Variants in MYEF2 observed in about 807,000 individuals in gnomAD.
The protein encoded by MYEF2 is myelin expression factor 2.
MYEF2 carries 37 observed loss-of-function variants against 75.2 expected under a neutral mutation model. The ratio of observed to expected loss-of-function variants is 0.49; its 90% CI spans 0.38 to 0.65. MYEF2 has a LOEUF of 0.65. Ranked by LOEUF, MYEF2 falls within the 30% of genes least tolerant of loss-of-function variation. The pLI is 0.00. For missense variants in MYEF2, 634 were observed against 771.4 expected (o/e 0.82, Z 2.11); for synonymous variants, 195 against 241.6 (o/e 0.81, Z 1.79).
In MYEF2 at chr15:48,135,163, G is replaced by C; in HGVS notation, c.*7745C>G. Reference sequence around the variant, plus strand: ...CTGATTGAGTTCTTCTCACTAGTTTGCAATTTCTTCTTAATCACTTCACAG... The same window carrying C: ...CTGATTGAGTTCTTCTCACTAGTTTCCAATTTCTTCTTAATCACTTCACAG... On this transcript the variant is annotated 3_prime_UTR_variant, in exon 17 of 17. Transcript: ENST00000324324. 2.0e-6 allele frequency: 1 copy of C among 495,324 alleles called. No homozygotes were observed. The highest frequency in any genetic ancestry group is 3.1e-5 in the East Asian group (1 of 32,310). 30.7% of individuals were successfully genotyped at this position (495,324 alleles called of 1,614,324 possible).
intron 2 of MYEF2, among the ~76,000 whole-genome samples, chr15:48,167,878 A>G (rs2040185047): frequency 6.6e-6 from 1 of 152,154 alleles, no homozygotes; most frequent in Admixed American, 6.5e-5. Context: ...CACTTTCTAA[A>G]TAAAGTCAAT....
rs750463461 is a variant in MYEF2 at position 48,158,793 on chromosome 15, C to T, written c.847G>A (p.Ala283Thr). The change falls in exon 7 of 17, where the codon GCA becomes ACA. Residue 283 changes from alanine to threonine, a missense_variant. Transcript: ENST00000324324. ...CAAATTGCTTGAACTGCTTCAATTGCTTGCTCAAAAGTGACAGTGCCCATT... is the reference window on the plus strand; with the variant it reads ...CAAATTGCTTGAACTGCTTCAATTGTTTGCTCAAAAGTGACAGTGCCCATT... The part of the protein sequence containing the change: ...RGMGTVTFEQ[A>T]IEAVQAISMF... The T allele has an allele frequency of 6.2e-7, 1 of 1,613,644 alleles. No individual in the cohort carries two copies. The highest frequency in any genetic ancestry group is 1.1e-5 in the South Asian group (1 of 91,060).
At chr15:48,178,041 C>T (rs1490921062) in intron 1 of MYEF2, 36 bp downstream of exon 1, 3 of 1,569,362 alleles carry the variant, frequency 1.9e-6, no homozygotes, top group Non-Finnish European at 2.6e-6. Flanking sequence ...TCCCCGCCCC[C>T]CACCTCGCCC....
rs2039519018 is a variant in MYEF2, at chr15:48,152,276, T to C, written c.1096A>G (p.Met366Val). The C allele has an allele frequency of 6.2e-7, 1 of 1,609,786 alleles. No homozygotes were observed. Among genetic ancestry groups the C allele is most frequent in the Non-Finnish European group, 8.5e-7 (1 of 1,176,766 alleles). ...MGNLGPGGMG[M>V]DGPGFGGMNR... Reference sequence around the variant, plus strand: ...ATTCCTCCAAAACCTGGACCATCCATTCCCATACCTCAAATAAAATACACA... The same window carrying C: ...ATTCCTCCAAAACCTGGACCATCCACTCCCATACCTCAAATAAAATACACA... Residue 366 changes from methionine to valine, a missense_variant, in exon 11 of 17, where the codon ATG becomes GTG. Met to Val is a conservative substitution (Grantham distance 21, BLOSUM62 1). Transcript: ENST00000324324.
In MYEF2 at chr15:48,138,346, C is replaced by T. The variant is rs934028529; in HGVS notation, c.*4562G>A. 1.3e-5 allele frequency: 2 copies of T among 151,860 alleles called. No homozygotes were observed. The highest frequency in any genetic ancestry group is 2.9e-5 in the Non-Finnish European group (2 of 67,906). The allele number at this position is 151,860 out of a possible 1,614,324, so 9.4% of individuals were successfully genotyped here. A position where few individuals can be genotyped will look rare whatever the true frequency, so the allele number is the denominator to read the frequency against. On this transcript the variant is annotated 3_prime_UTR_variant, in exon 17 of 17. Coordinates refer to ENST00000324324, the MANE Select transcript of MYEF2 (RefSeq NM_016132.5). The stretch of plus-strand genomic sequence containing the variant: ...AAATTAAATTGAATAAAGAAATATA[C>T]TCAATTTTCATAAATTGTACTTTAG...
At chr15:48,148,591 C>T (rs1349461766) in intron 16 of MYEF2, among the ~76,000 whole-genome samples, 1 of 151,954 alleles carries the variant, frequency 6.6e-6, no homozygotes, top group East Asian at 1.9e-4. Flanking sequence ...CTATTAACTC[C>T]TTTATCAATT....
rs565508398 is a variant in MYEF2 at position 48,140,773 on chromosome 15, C to T, written c.*2135G>A. The T allele has an allele frequency of 4.4e-5, 9 of 205,226 alleles. No homozygotes were observed. Among genetic ancestry groups the T allele is most frequent in the Non-Finnish European group, 8.0e-5 (8 of 100,438 alleles). The allele number at this position is 205,226 out of a possible 1,614,324, so 12.7% of individuals were successfully genotyped here. A position where few individuals can be genotyped will look rare whatever the true frequency, so the allele number is the denominator to read the frequency against. On this transcript the variant is annotated 3_prime_UTR_variant, in exon 17 of 17. Transcript: ENST00000324324. Reference sequence around the variant, plus strand: ...TTTAAGAAAGAAAAAGCGGAATGATCAGTCTCATTATCAAATATTCAGCAC... The same window carrying T: ...TTTAAGAAAGAAAAAGCGGAATGATTAGTCTCATTATCAAATATTCAGCAC...
In MYEF2 at chr15:48,142,077, A is replaced by G. The variant is rs369837467; in HGVS notation, c.*831T>C. 2 of 1,613,760 alleles carry G rather than the reference A, an allele frequency of 1.2e-6. No individual in the cohort carries two copies. Among genetic ancestry groups the G allele is most frequent in the African/African-American group, 2.7e-5 (2 of 74,918 alleles). On this transcript the variant is annotated 3_prime_UTR_variant, in exon 17 of 17. Coordinates refer to ENST00000324324, the MANE Select transcript of MYEF2 (RefSeq NM_016132.5). ...AACATCGTGGGATCCAATGTGTTTG[A>G]TATGTTGTGCCTTGGTATTCCATGG...
chr15:48,160,725 G>T (rs2039908810), intron 5 of MYEF2, among the ~76,000 whole-genome samples: 1 of 151,986 alleles, frequency 6.6e-6, no homozygotes, highest in African/African-American at 2.4e-5. Flanking sequence ...GCTGGCCTCA[G>T]TCTGGGAATA....
Position 48,141,131 on chromosome 15 carries a change from C to T in MYEF2, c.*1777G>A. ...ATTACAGGGGAAACACTAGAAATTC[C>T]CGATACAGTAATGGGCCTTACTTTA... is the stretch of plus-strand genomic sequence containing the variant. On this transcript the variant is annotated 3_prime_UTR_variant, in exon 17 of 17. Transcript: ENST00000324324. The T allele has an allele frequency of 6.2e-7, 1 of 1,613,110 alleles. No individual in the cohort carries two copies. Among genetic ancestry groups the T allele is most frequent in the Non-Finnish European group, 8.5e-7 (1 of 1,179,360 alleles).
chr15:48,171,690 A>G (rs2040348354), intron 1 of MYEF2, among the ~76,000 whole-genome samples: 1 of 152,168 alleles, frequency 6.6e-6, no homozygotes, highest in East Asian at 1.9e-4. Flanking sequence ...AGCCATAATT[A>G]TATAATTTCT....
intron 5 of MYEF2, among the ~76,000 whole-genome samples, chr15:48,161,682 T>C (rs1490621020): frequency 1.3e-5 from 2 of 151,262 alleles, no homozygotes; most frequent in African/African-American, 4.8e-5. Context: ...TCCAATATTA[T>C]ATGGAAGTTT....
chr15:48,141,462 A>C lies in MYEF2; in HGVS notation c.*1446T>G. 1 of 291,308 alleles carries C rather than the reference A, an allele frequency of 3.4e-6. No individual in the cohort carries two copies. The highest frequency in any genetic ancestry group is 6.6e-6 in the Non-Finnish European group (1 of 151,508). The allele number at this position is 291,308 out of a possible 1,614,324, so 18.0% of individuals were successfully genotyped here. A position where few individuals can be genotyped will look rare whatever the true frequency, so the allele number is the denominator to read the frequency against. On this transcript the variant is annotated 3_prime_UTR_variant, in exon 17 of 17. Coordinates refer to ENST00000324324, the MANE Select transcript of MYEF2 (RefSeq NM_016132.5). ...CGTGGTGGCATGTGCCTGTAATCCC[A>C]GCTACTCAGGAGGCTGAGGCAGGAG... is the stretch of plus-strand genomic sequence containing the variant.
intron 9 of MYEF2, among the ~76,000 whole-genome samples, chr15:48,156,395 T>A (rs993452830): frequency 2.6e-5 from 4 of 151,908 alleles, no homozygotes; most frequent in Non-Finnish European, 5.9e-5. Context: ...TCAGAATTTT[T>A]AAAACAGAAA....
At chr15:48,161,015 A>T (rs994621849) in intron 5 of MYEF2, among the ~76,000 whole-genome samples, 2 of 152,078 alleles carry the variant, frequency 1.3e-5, no homozygotes, top group Admixed American at 6.6e-5. Context: ...GATAACTCAG[A>T]AGAGAAGATA....
At chr15:48,153,178 T>C (rs1311151033) in intron 10 of MYEF2, 1 of 152,180 alleles carries the variant, frequency 6.6e-6, no homozygotes, top group Non-Finnish European at 1.5e-5. Flanking sequence ...AAAAATAGTT[T>C]ATTTTCTTAA....
At chr15:48,157,964 T>C (rs1321386281) in intron 9 of MYEF2, 29 bp downstream of exon 9, 12 of 1,611,722 alleles carry the variant, frequency 7.4e-6, no homozygotes, top group Admixed American at 5.0e-5. Context: ...AAAAAGCCTA[T>C]GTTGTTTCTC....
At chr15:48,174,482 C>G (rs2040447919) in intron 1 of MYEF2, among the ~76,000 whole-genome samples, 1 of 150,908 alleles carries the variant, frequency 6.6e-6, no homozygotes, top group African/African-American at 2.4e-5. Flanking sequence ...AGTTATTGCA[C>G]AGCAAAGGAA....
At position 48,136,713 on chromosome 15, in the gene MYEF2, T is replaced by C. The variant is rs1203119172; in HGVS notation, c.*6195A>G. On this transcript the variant is annotated 3_prime_UTR_variant, in exon 17 of 17. Coordinates refer to ENST00000324324, the MANE Select transcript of MYEF2 (RefSeq NM_016132.5). Reference sequence around the variant, plus strand: ...AAGGGGCTTTACTGCTTTTGATATATGGATTGTATGTTTTGGTGCTGTGTT... The same window carrying C: ...AAGGGGCTTTACTGCTTTTGATATACGGATTGTATGTTTTGGTGCTGTGTT... The C allele has an allele frequency of 2.5e-6, 4 of 1,612,396 alleles. No homozygotes were observed. Among genetic ancestry groups the C allele is most frequent in the Non-Finnish European group, 3.4e-6 (4 of 1,179,186 alleles).
Sources: allele counts gnomAD v4.1 joint callset (sites outside exome capture counted in the v4.1 genomes callset), GRCh38; gene constraint gnomAD v4.1.1; transcripts MANE v1.5; gene names NCBI Gene and HGNC (gene_info 2026-07-23, HGNC 2026-07-21).